The following ACVR2A variants were observed in gnomAD, a reference collection of about 807,000 sequenced individuals.
ACVR2A encodes activin receptor type-2A.
In ACVR2A, 7 loss-of-function variants were observed where a neutral mutation model predicts 61.4. The observed-to-expected ratio is 0.11, with a 90% CI of 0.06 to 0.21. The LOEUF (loss-of-function observed/expected upper bound fraction) is 0.21, where lower values mean the gene tolerates loss of function less well. Among genes scored for constraint, ACVR2A ranks in the 10% least tolerant of loss-of-function variants. The probability of loss-of-function intolerance (pLI) is 1.00; values close to 1 mark genes in which losing one functional copy is unlikely to be tolerated. For synonymous variants in ACVR2A, 193 were observed against 208.3 expected, an observed-to-expected ratio of 0.93 and a Z score of 0.63; for missense variants, 322 against 621.7, an observed-to-expected ratio of 0.52 and a Z score of 5.13.
At chr2:147,866,198 C>T (rs1685850225) in intron 1 of ACVR2A, among the ~76,000 whole-genome samples, 1 of 152,138 alleles carries the variant, frequency 6.6e-6, no homozygotes, top group African/African-American at 2.4e-5. Flanking sequence ...TCATTCAAAG[C>T]AGTGTATGTA....
intron 9 of ACVR2A, among the ~76,000 whole-genome samples, chr2:147,925,274 C>T (rs571957021): frequency 6.6e-6 from 1 of 152,034 alleles, no homozygotes; most frequent in Admixed American, 6.6e-5. Flanking sequence ...GAGGTACTGC[C>T]ATCTTAACCC....
At chr2:147,889,025 T>C (rs1686513243) in intron 1 of ACVR2A, among the ~76,000 whole-genome samples, 1 of 152,114 alleles carries the variant, frequency 6.6e-6, no homozygotes, top group Non-Finnish European at 1.5e-5. Flanking sequence ...GTGAATAATA[T>C]TCAATTTTAT....
intron 1 of ACVR2A, among the ~76,000 whole-genome samples, chr2:147,858,960 A>G (rs905777562): frequency 6.6e-6 from 1 of 152,050 alleles, no homozygotes; most frequent in African/African-American, 2.4e-5. Flanking sequence ...CTGGATTTTG[A>G]CCTGAGGGCT....
At chr2:147,910,431 G>C in intron 4 of ACVR2A, among the ~76,000 whole-genome samples, 1 of 152,104 alleles carries the variant, frequency 6.6e-6, no homozygotes, top group East Asian at 1.9e-4. Flanking sequence ...TTTTACTCTG[G>C]AGTACTGGAT....
At chr2:147,846,554 A>C (rs1402173516) in intron 1 of ACVR2A, among the ~76,000 whole-genome samples, 1 of 152,138 alleles carries the variant, frequency 6.6e-6, no homozygotes, top group South Asian at 2.1e-4. Context: ...GGTGGGCTGA[A>C]TGTGTTGTGA....
At chr2:147,856,441 A>T (rs1448716028) in intron 1 of ACVR2A, among the ~76,000 whole-genome samples, 2 of 152,194 alleles carry the variant, frequency 1.3e-5, no homozygotes, top group African/African-American at 4.8e-5. Flanking sequence ...GTTTTACCCT[A>T]TAAATACTAT....
chr2:147,868,173 A>G (rs1356922018), intron 1 of ACVR2A, among the ~76,000 whole-genome samples: 1 of 152,184 alleles, frequency 6.6e-6, no homozygotes, highest in Non-Finnish European at 1.5e-5. Flanking sequence ...GTGAAGAGTA[A>G]TACAAGGAGG....
At chr2:147,887,986 G>A (rs1450914505) in intron 1 of ACVR2A, among the ~76,000 whole-genome samples, 1 of 152,154 alleles carries the variant, frequency 6.6e-6, no homozygotes, top group African/African-American at 2.4e-5. Flanking sequence ...GGGCTTTCTG[G>A]AACTACTGGG....
At chr2:147,845,285 G>C (rs1366463204) in intron 1 of ACVR2A, 78 bp downstream of exon 1, 3 of 1,408,156 alleles carry the variant, frequency 2.1e-6, no homozygotes, top group Non-Finnish European at 2.9e-6. Flanking sequence ...GGCTGGTGTT[G>C]AGTCGGAGAG....
chr2:147,896,633 T>A (rs1414812926), intron 2 of ACVR2A, 125 bp downstream of exon 2: 6 of 848,580 alleles, frequency 7.1e-6, no homozygotes, highest in Admixed American at 2.5e-5. Context: ...AAAAATGGGA[T>A]TATAAAGAAC....
At chr2:147,895,251 A>G (rs1686699753) in intron 1 of ACVR2A, among the ~76,000 whole-genome samples, 1 of 151,980 alleles carries the variant, frequency 6.6e-6, no homozygotes, top group South Asian at 2.1e-4. Context: ...TTATAATTGC[A>G]TAAAATTAAC....
intron 1 of ACVR2A, among the ~76,000 whole-genome samples, chr2:147,893,275 T>C (rs1230911031): frequency 6.6e-6 from 1 of 152,234 alleles, no homozygotes; most frequent in African/African-American, 2.4e-5. Context: ...TGCTTCTCCA[T>C]TCACCATTGA....
intron 1 of ACVR2A, among the ~76,000 whole-genome samples, chr2:147,858,351 C>T (rs750225527): frequency 2.2e-4 from 33 of 152,110 alleles, no homozygotes; most frequent in Non-Finnish European, 4.0e-4. Context: ...GATGGGTCGA[C>T]ATTTATCTTT....
intron 2 of ACVR2A, 122 bp downstream of exon 2, chr2:147,896,630 G>A (rs1360110369): frequency 2.3e-6 from 2 of 862,566 alleles, no homozygotes; most frequent in African/African-American, 3.4e-5. Flanking sequence ...TTAAAAAATG[G>A]GATTATAAAG....
intron 1 of ACVR2A, among the ~76,000 whole-genome samples, chr2:147,864,233 C>CT (rs772329078): frequency 6.6e-6 from 1 of 151,702 alleles, no homozygotes; most frequent in Non-Finnish European, 1.5e-5. Flanking sequence ...GTTACTATAA[C>CT]TTTTTGTTTT....
intron 1 of ACVR2A, among the ~76,000 whole-genome samples, chr2:147,876,033 T>G (rs1686145430): frequency 6.6e-6 from 1 of 152,156 alleles, no homozygotes. Context: ...AGTGTACTTC[T>G]GTTAAGAAAA....
chr2:147,891,152 A>G (rs1033351309), intron 1 of ACVR2A, among the ~76,000 whole-genome samples: 1 of 152,194 alleles, frequency 6.6e-6, no homozygotes, highest in Admixed American at 6.5e-5. Context: ...CTTTCTTGGT[A>G]TAGTGCCCTA....
chr2:147,903,603 GACA>G (rs569829878), intron 4 of ACVR2A, among the ~76,000 whole-genome samples: 84 of 152,040 alleles, frequency 5.5e-4, no homozygotes, highest in African/African-American at 1.9e-3. Flanking sequence ...GTTGGAGCAT[GACA>G]TGTGGTCTTC....
chr2:147,883,504 A>T (rs911739848), intron 1 of ACVR2A, among the ~76,000 whole-genome samples: 1 of 152,162 alleles, frequency 6.6e-6, no homozygotes, highest in Non-Finnish European at 1.5e-5. Context: ...TGAGTTTTCA[A>T]GTAGGAAAGA....
Sources: allele counts gnomAD v4.1 joint callset (sites outside exome capture counted in the v4.1 genomes callset), GRCh38; gene constraint gnomAD v4.1.1; transcripts MANE v1.5; gene names NCBI Gene and HGNC (gene_info 2026-07-23, HGNC 2026-07-21).